Variants in CHL1 observed in about 807,000 individuals in gnomAD.
CHL1 encodes the protein neural cell adhesion molecule L1-like protein.
A neutral mutation model predicts 141.9 loss-of-function variants in CHL1; 96 were observed. The ratio of observed to expected loss-of-function variants is 0.68; its 90% CI spans 0.57 to 0.80. The LOEUF (loss-of-function observed/expected upper bound fraction) is 0.80. Ranked by LOEUF, CHL1 falls within the 30% of genes least tolerant of loss-of-function variation. CHL1 has a pLI of 0.00. For synonymous variants in CHL1, 613 were observed against 502.2 expected (o/e 1.22, Z -2.95); for missense variants, 1,820 against 1,457.2 (o/e 1.25, Z -4.05).
At chr3:382,438 T>C (rs1321681193) in intron 17 of CHL1, 36 bp from the exon 18 acceptor site, 1 of 1,562,372 alleles carries the variant, frequency 6.4e-7, no homozygotes, top group African/African-American at 1.4e-5. Context: ...CCATACTCCA[T>C]ACATTCTAAT....
chr3:292,435 T>C (rs1697775280), intron 2 of CHL1, among the ~76,000 whole-genome samples: 1 of 152,232 alleles, frequency 6.6e-6, no homozygotes, highest in Non-Finnish European at 1.5e-5. Context: ...TAAGTCCTCT[T>C]TTTAAATAAA....
intron 1 of CHL1, among the ~76,000 whole-genome samples, chr3:242,398 C>T (rs565945129): frequency 6.4e-4 from 90 of 141,354 alleles, no homozygotes; most frequent in Non-Finnish European, 1.1e-3. Flanking sequence ...AGATCGAGAC[C>T]ATCCTGGCTA....
At chr3:391,875 G>A in intron 23 of CHL1, 78 bp downstream of exon 23, 1 of 1,169,388 alleles carries the variant, frequency 8.6e-7, no homozygotes, top group South Asian at 1.5e-5. Context: ...TATGTTGGGA[G>A]TCTAATGATC....
chr3:352,349 C>A (rs1432060769), intron 10 of CHL1, among the ~76,000 whole-genome samples: 1 of 151,988 alleles, frequency 6.6e-6, no homozygotes, highest in South Asian at 2.1e-4. Flanking sequence ...CTATAGGTAC[C>A]AAGTTTGTTT....
chr3:382,417 G>T, intron 17 of CHL1, 57 bp from the exon 18 acceptor site: 1 of 1,508,664 alleles, frequency 6.6e-7, no homozygotes. Context: ...ATAAATTTTG[G>T]TATAACTTAT....
At chr3:350,531 A>G (rs537526613) in intron 10 of CHL1, among the ~76,000 whole-genome samples, 16 of 152,282 alleles carry the variant, frequency 1.1e-4, no homozygotes, top group African/African-American at 3.8e-4. Context: ...ACCCATTAAT[A>G]TTCCAGTAAA....
At position 349,362 on chromosome 3, in the gene CHL1, A is replaced by T. The variant is rs1242459108; in HGVS notation, c.852A>T (p.Pro284=). The T allele has an allele frequency of 2.5e-6, 4 of 1,610,780 alleles. No homozygotes were observed. Among genetic ancestry groups the T allele is most frequent in the Non-Finnish European group, 3.4e-6 (4 of 1,178,938 alleles). ...LLLECFAEGL[P]TPQVDWNKIG... ...TTTATTTAACTATTTTTTGCAGGCC[A>T]ACTCCACAGGTTGATTGGAACAAAA... Residue 284 remains proline, a synonymous_variant, in exon 10 of 28, where the codon CCA becomes CCT. Coordinates refer to ENST00000256509, the MANE Select transcript of CHL1 (RefSeq NM_006614.4).
intron 2 of CHL1, among the ~76,000 whole-genome samples, chr3:256,448 A>G (rs1232226710): frequency 6.6e-6 from 1 of 152,196 alleles, no homozygotes; most frequent in Non-Finnish European, 1.5e-5. Context: ...GGACCAGAGA[A>G]AAAGGCCTTA....
At chr3:324,796 C>T (rs564151672) in intron 3 of CHL1, among the ~76,000 whole-genome samples, 1 of 151,812 alleles carries the variant, frequency 6.6e-6, no homozygotes, top group African/African-American at 2.4e-5. Flanking sequence ...CCCTATGTTA[C>T]CCAGGTTGTT....
intron 9 of CHL1, among the ~76,000 whole-genome samples, chr3:347,388 T>TA (rs1182879551): frequency 6.6e-6 from 1 of 152,070 alleles, no homozygotes; most frequent in Non-Finnish European, 1.5e-5. Context: ...TATTTAAATT[T>TA]AAAAAAAGGC....
chr3:244,846 T>C (rs1006883896), intron 2 of CHL1, among the ~76,000 whole-genome samples, 154 bp downstream of exon 2: 1 of 152,196 alleles, frequency 6.6e-6, no homozygotes, highest in Non-Finnish European at 1.5e-5. Flanking sequence ...GGACCAGATA[T>C]ATCATATAGT....
Position 407,029 on chromosome 3 carries a change from T to A in CHL1, c.*1318T>A, listed in dbSNP as rs1236026839. On this transcript the variant is annotated 3_prime_UTR_variant, in exon 28 of 28. Transcript: ENST00000256509. ...CCCCGATATTCTCCTTCTGTCAAAG[T>A]CAGAACAAATTCAGGGAATTTATTT... 2.6e-5 allele frequency: 4 copies of A among 152,136 alleles called. No individual in the cohort carries two copies. The highest frequency in any genetic ancestry group is 5.9e-5 in the Non-Finnish European group (4 of 68,004). 9.4% of individuals were successfully genotyped at this position (152,136 alleles called of 1,614,324 possible). A position where few individuals can be genotyped will look rare whatever the true frequency, so the allele number is the denominator to read the frequency against.
At chr3:252,113 T>C (rs994074402) in intron 2 of CHL1, among the ~76,000 whole-genome samples, 12 of 151,874 alleles carry the variant, frequency 7.9e-5, no homozygotes, top group African/African-American at 2.9e-4. Context: ...AGAATAATCT[T>C]TTGAAGATTC....
chr3:353,245 G>C (rs1167015379), intron 10 of CHL1, among the ~76,000 whole-genome samples: 1 of 152,056 alleles, frequency 6.6e-6, no homozygotes, highest in Non-Finnish European at 1.5e-5. Flanking sequence ...GAAAGCAATA[G>C]TTGTAATTTT....
chr3:227,919 G>A (rs1048362191), intron 1 of CHL1, among the ~76,000 whole-genome samples: 8 of 152,172 alleles, frequency 5.3e-5, no homozygotes, highest in South Asian at 2.1e-4. Context: ...AACAGCACTC[G>A]TCTTTTTCCT....
intron 1 of CHL1, among the ~76,000 whole-genome samples, chr3:234,813 A>T (rs1029336992): frequency 2.0e-5 from 3 of 152,156 alleles, no homozygotes; most frequent in African/African-American, 7.2e-5. Context: ...GACACAGAAT[A>T]GTCAAGTAAT....
intron 24 of CHL1, among the ~76,000 whole-genome samples, chr3:396,883 A>T (rs570478402): frequency 1.5e-4 from 23 of 152,258 alleles, no homozygotes; most frequent in Middle Eastern, 3.4e-3. Context: ...ATGAGGAGAG[A>T]TACATCTTGT....
At chr3:298,454 C>G (rs558555527) in intron 2 of CHL1, among the ~76,000 whole-genome samples, 3 of 152,144 alleles carry the variant, frequency 2.0e-5, no homozygotes, top group Non-Finnish European at 4.4e-5. Context: ...GTTTACATTC[C>G]TTGCTCAATA....
At chr3:401,756 G>T in intron 27 of CHL1, 58 bp downstream of exon 27, 1 of 1,016,172 alleles carries the variant, frequency 9.8e-7, no homozygotes, top group South Asian at 1.5e-5. Context: ...GAAAGCTTAA[G>T]TGAACAAAAA....
Sources: allele counts gnomAD v4.1 joint callset (sites outside exome capture counted in the v4.1 genomes callset), GRCh38; gene constraint gnomAD v4.1.1; transcripts MANE v1.5; gene names NCBI Gene and HGNC (gene_info 2026-07-23, HGNC 2026-07-21).